PRKG1: variants seen among roughly 807,000 people sequenced by gnomAD.
The protein encoded by PRKG1 is protein kinase cGMP-dependent 1, also known as cGMP-dependent protein kinase 1.
PRKG1 carries 35 observed loss-of-function variants against 88.1 expected under a neutral mutation model. That is an observed-to-expected ratio of 0.40 (90% CI 0.30 to 0.53). The LOEUF is 0.53. PRKG1 is among the 20% of genes least tolerant of loss of function. The pLI, the probability that PRKG1 is intolerant of heterozygous loss-of-function variation, is 0.59. For missense variants in PRKG1, 540 were observed against 839.8 expected (o/e 0.64, Z 4.41); for synonymous variants, 303 against 292.5 (o/e 1.04, Z -0.37).
chr10:51,824,264 T>C (rs1239694362), intron 4 of PRKG1, among the ~76,000 whole-genome samples: 2 of 152,210 alleles, frequency 1.3e-5, no homozygotes, highest in Non-Finnish European at 2.9e-5. Context: ...TGAATGTGAA[T>C]ACTTTAGTTA....
intron 3 of PRKG1, chr10:51,699,084 G>C: frequency 1.9e-6 from 3 of 1,614,202 alleles, no homozygotes; most frequent in Non-Finnish European, 2.5e-6. Flanking sequence ...CGAGCTTCCT[G>C]GTGGCTGTTT....
chr10:51,330,605 C>A (rs543265244), intron 2 of PRKG1, among the ~76,000 whole-genome samples: 4 of 152,112 alleles, frequency 2.6e-5, no homozygotes, highest in Non-Finnish European at 5.9e-5. Context: ...TCTGCATGAT[C>A]TTTTCTACTG....
At chr10:51,266,371 A>T (rs1839836239) in intron 2 of PRKG1, among the ~76,000 whole-genome samples, 1 of 152,222 alleles carries the variant, frequency 6.6e-6, no homozygotes, top group Non-Finnish European at 1.5e-5. Flanking sequence ...TAGCTATTAC[A>T]TTAGACAGAA....
intron 5 of PRKG1, among the ~76,000 whole-genome samples, chr10:52,028,499 A>C (rs538715405): frequency 6.6e-6 from 1 of 152,128 alleles, no homozygotes; most frequent in South Asian, 2.1e-4. Flanking sequence ...TATCATCTCC[A>C]CTTCAGTGTA....
chr10:52,168,315 G>A (rs961919947), intron 9 of PRKG1, among the ~76,000 whole-genome samples: 2 of 152,084 alleles, frequency 1.3e-5, no homozygotes, highest in African/African-American at 4.8e-5. Context: ...TAAGCAAGGA[G>A]GTATGGAGAG....
chr10:51,433,450 A>G (rs2132729902), intron 2 of PRKG1, among the ~76,000 whole-genome samples: 1 of 152,274 alleles, frequency 6.6e-6, no homozygotes, highest in South Asian at 2.1e-4. Flanking sequence ...ATGATTAAAG[A>G]TCACAGATGG....
intron 3 of PRKG1, among the ~76,000 whole-genome samples, chr10:51,615,243 A>T (rs1253731015): frequency 6.6e-6 from 1 of 152,022 alleles, no homozygotes. Context: ...TTACTCTTGC[A>T]TCTAGTCTTT....
At chr10:51,673,477 G>T (rs533200877) in intron 3 of PRKG1, among the ~76,000 whole-genome samples, 2 of 152,150 alleles carry the variant, frequency 1.3e-5, no homozygotes, top group African/African-American at 4.8e-5. Flanking sequence ...AAGATGGGGA[G>T]TGTGGTAGTG....
At chr10:51,606,547 T>C (rs1589125936) in intron 3 of PRKG1, among the ~76,000 whole-genome samples, 2 of 152,226 alleles carry the variant, frequency 1.3e-5, no homozygotes, top group South Asian at 4.1e-4. Context: ...ATGGCATCTT[T>C]TCGTTCCTCA....
chr10:51,136,974 T>C (rs541498919), intron 1 of PRKG1, among the ~76,000 whole-genome samples: 1 of 152,260 alleles, frequency 6.6e-6, no homozygotes, highest in Non-Finnish European at 1.5e-5. Context: ...CCATCTTGCC[T>C]CCTGGGTTCA....
intron 9 of PRKG1, among the ~76,000 whole-genome samples, chr10:52,232,732 G>C (rs535648377): frequency 1.2e-4 from 18 of 152,192 alleles, no homozygotes; most frequent in African/African-American, 4.1e-4. Flanking sequence ...CCCTCCCTAT[G>C]GCTTCACACA....
In PRKG1 at chr10:51,051,874, G is replaced by A. The variant is rs77907061; in HGVS notation, c.266+60230G>A. 1.0e-3 allele frequency among the ~76,000 whole-genome samples: 159 copies of A among 152,100 alleles called. 2 individuals are homozygous for A. The East Asian group carries it at 0.024, about 23-fold the overall frequency. ...ACATTCCTAAGGCTTAAGAAAAATCGATTCAGGATGATAATACCACAAGTA... is the reference window on the plus strand; with the variant it reads ...ACATTCCTAAGGCTTAAGAAAAATCAATTCAGGATGATAATACCACAAGTA... On this transcript the variant is annotated intron_variant, in intron 1 of 17. Transcript: ENST00000401604.
chr10:51,114,203 G>A (rs1255754499), intron 1 of PRKG1, among the ~76,000 whole-genome samples: 2 of 152,018 alleles, frequency 1.3e-5, no homozygotes, highest in Non-Finnish European at 2.9e-5. Flanking sequence ...CATGATTTAG[G>A]TTAAATATGC....
At chr10:51,573,760 G>A (rs749747927) in intron 3 of PRKG1, among the ~76,000 whole-genome samples, 17 of 151,718 alleles carry the variant, frequency 1.1e-4, no homozygotes, top group South Asian at 2.1e-4. Flanking sequence ...TGTTGAACTC[G>A]GTAAAAGTCT....
intron 10 of PRKG1, among the ~76,000 whole-genome samples, chr10:52,267,528 T>TA (rs1841607658): frequency 6.6e-6 from 1 of 151,956 alleles, no homozygotes; most frequent in Non-Finnish European, 1.5e-5. Context: ...ATTCAAAAAG[T>TA]AAAAAGAAGT....
At chr10:51,223,961 G>T (rs141499728) in intron 2 of PRKG1, among the ~76,000 whole-genome samples, 2,125 of 152,182 alleles carry the variant, frequency 0.014, 24 homozygotes, top group Middle Eastern at 0.034. Context: ...CTTTGATTAG[G>T]AGCAGGTTTT....
Position 51,351,371 on chromosome 10 carries a change from A to G in PRKG1, c.479-116352A>G, listed in dbSNP as rs187723263. On this transcript the variant is annotated intron_variant, in intron 2 of 17. Transcript: ENST00000373980. ...AATGGTTGAACTAATTTACATTCTCACCAACAGCGTAAAAGTGTTCCTATT... is the reference window on the plus strand; with the variant it reads ...AATGGTTGAACTAATTTACATTCTCGCCAACAGCGTAAAAGTGTTCCTATT... Among the ~76,000 whole-genome samples, 837 of 152,264 alleles carry G rather than the reference A, an allele frequency of 5.5e-3. 3 individuals are homozygous for G. Among genetic ancestry groups the G allele is most frequent in the Non-Finnish European group, 9.2e-3 (629 of 68,030 alleles).
intron 2 of PRKG1, among the ~76,000 whole-genome samples, chr10:51,457,014 G>A (rs1166329470): frequency 7.9e-5 from 12 of 152,088 alleles, no homozygotes; most frequent in Admixed American, 2.0e-4. Context: ...TAACCCCTAT[G>A]GAAAACAGTA....
At chr10:51,491,627 A>G (rs1840710048) in intron 3 of PRKG1, among the ~76,000 whole-genome samples, 1 of 152,062 alleles carries the variant, frequency 6.6e-6, no homozygotes, top group Admixed American at 6.6e-5. Context: ...GCTGCCTCTA[A>G]ATTCCTGAAA....
Sources: allele counts gnomAD v4.1 joint callset (sites outside exome capture counted in the v4.1 genomes callset), GRCh38; gene constraint gnomAD v4.1.1; transcripts MANE v1.5; gene names NCBI Gene and HGNC (gene_info 2026-07-23, HGNC 2026-07-21).